CYP4F22: variants seen among roughly 807,000 people sequenced by gnomAD.
CYP4F22 encodes the protein ultra-long-chain fatty acid omega-hydroxylase.
CYP4F22 carries 37 observed loss-of-function variants against 60.4 expected under a neutral mutation model. The ratio of observed to expected loss-of-function variants is 0.61; its 90% CI spans 0.47 to 0.81. The LOEUF (loss-of-function observed/expected upper bound fraction) is 0.81. Ranked by LOEUF, CYP4F22 falls within the 30% of genes least tolerant of loss-of-function variation. The pLI, the probability that CYP4F22 is intolerant of heterozygous loss-of-function variation, is 0.00. For synonymous variants in CYP4F22, 258 were observed against 280.5 expected, an observed-to-expected ratio of 0.92 and a Z score of 0.80; for missense variants, 655 against 715.0, an observed-to-expected ratio of 0.92 and a Z score of 0.96.
chr19:15,544,379 G>T, intron 10 of CYP4F22, 100 bp downstream of exon 10: 2 of 1,407,822 alleles, frequency 1.4e-6, no homozygotes. Context: ...CCTCAGACAA[G>T]CCACTTTAGC....
At chr19:15,534,425 C>T (rs1192350489) in intron 4 of CYP4F22, among the ~76,000 whole-genome samples, 3 of 152,024 alleles carry the variant, frequency 2.0e-5, no homozygotes, top group African/African-American at 4.8e-5. Flanking sequence ...GGGGGTATTT[C>T]GTACACCGTC....
Position 15,551,721 on chromosome 19 carries a change from C to T in CYP4F22, c.*250C>T. ...CGCCCCCTGACTTCTCGCACCTGTCCTGTTTGAGGGACCAGGGTCGACCCT... is the reference window on the plus strand; with the variant it reads ...CGCCCCCTGACTTCTCGCACCTGTCTTGTTTGAGGGACCAGGGTCGACCCT... On this transcript the variant is annotated 3_prime_UTR_variant, in exon 14 of 14. Coordinates refer to ENST00000269703, the MANE Select transcript of CYP4F22 (RefSeq NM_173483.4). The T allele has an allele frequency of 1.7e-6, 1 of 591,132 alleles. No homozygotes were observed. Among genetic ancestry groups the T allele is most frequent in the Non-Finnish European group, 3.0e-6 (1 of 332,974 alleles). 36.6% of individuals were successfully genotyped at this position (591,132 alleles called of 1,614,324 possible).
chr19:15,522,858 A>C (rs1269715698), intron 1 of CYP4F22, among the ~76,000 whole-genome samples: 2 of 151,788 alleles, frequency 1.3e-5, no homozygotes, highest in East Asian at 2.0e-4. Context: ...TTATAGGCGC[A>C]CGCCACCACG....
intron 7 of CYP4F22, among the ~76,000 whole-genome samples, chr19:15,539,529 T>A (rs1049408992): frequency 6.6e-6 from 1 of 152,274 alleles, no homozygotes; most frequent in Non-Finnish European, 1.5e-5. Flanking sequence ...CATACATTTT[T>A]AATTCTTTTG....
In CYP4F22 at chr19:15,525,397, A is replaced by G. The variant is rs1971270582; in HGVS notation, c.61A>G (p.Ile21Val). 6.2e-7 allele frequency: 1 copy of G among 1,614,154 alleles called. No individual in the cohort carries two copies. The highest frequency in any genetic ancestry group is 8.5e-7 in the Non-Finnish European group (1 of 1,180,026). The change falls in exon 3 of 14, where the codon ATA becomes GTA. Residue 21 changes from isoleucine to valine, a missense_variant. Coordinates refer to ENST00000269703, the MANE Select transcript of CYP4F22 (RefSeq NM_173483.4). Reference protein sequence around the residue: ...LLGLEKTAFRIYAVSTLLLFL... With the variant: ...LLGLEKTAFRVYAVSTLLLFL... ...GGGGCTGGAGAAGACGGCGTTCCGC[A>G]TATACGCGGTGTCCACCCTTCTCCT...
At chr19:15,518,511 T>C (rs376988915) in intron 1 of CYP4F22, among the ~76,000 whole-genome samples, 32 of 143,898 alleles carry the variant, frequency 2.2e-4, no homozygotes, top group African/African-American at 7.9e-4. Context: ...TACCTGGGCG[T>C]GGTGGCAGGC....
chr19:15,521,968 A>T (rs1328664637), intron 1 of CYP4F22, among the ~76,000 whole-genome samples: 1 of 151,836 alleles, frequency 6.6e-6, no homozygotes, highest in Non-Finnish European at 1.5e-5. Context: ...AGCATGGTGA[A>T]ACTCTGTCTC....
chr19:15,509,904 C>CCTTCTTTCTTT (rs1323141197), intron 1 of CYP4F22, among the ~76,000 whole-genome samples: 31 of 86,778 alleles, frequency 3.6e-4, no homozygotes, highest in South Asian at 1.8e-3. Flanking sequence ...TTCCTTCCTT[C>CCTTCTTTCTTT]CTTTCTTTCT....
intron 10 of CYP4F22, among the ~76,000 whole-genome samples, chr19:15,545,788 G>A (rs984094270): frequency 2.0e-5 from 3 of 152,160 alleles, no homozygotes; most frequent in African/African-American, 4.8e-5. Context: ...TGGCCTCAGG[G>A]GGACATGCTC....
chr19:15,509,906 T>TTTCCTTCC (rs1341296855), intron 1 of CYP4F22, among the ~76,000 whole-genome samples: 2 of 97,272 alleles, frequency 2.1e-5, no homozygotes, highest in African/African-American at 3.6e-5. Context: ...CCTTCCTTCC[T>TTTCCTTCC]TTCTTTCTTT....
chr19:15,525,316 C>T lies in CYP4F22; in HGVS notation c.-1-20C>T, dbSNP rs760550581. The T allele has an allele frequency of 3.1e-6, 5 of 1,610,878 alleles. No homozygotes were observed. Among genetic ancestry groups the T allele is most frequent in the Non-Finnish European group, 3.4e-6 (4 of 1,179,248 alleles). On this transcript the variant is annotated intron_variant, in intron 2 of 13. Coordinates refer to ENST00000269703, the MANE Select transcript of CYP4F22 (RefSeq NM_173483.4). ...TCGTCTTGTGCATGGCACCGACCCC[C>T]TGACCCTGTGTGTCCCCAGGATGCT... is the stretch of plus-strand genomic sequence containing the variant.
intron 10 of CYP4F22, among the ~76,000 whole-genome samples, chr19:15,544,709 C>A (rs570006261): frequency 6.6e-6 from 1 of 152,092 alleles, no homozygotes; most frequent in Non-Finnish European, 1.5e-5. Context: ...CAGAGGCTAC[C>A]CTGGGTCGTA....
At chr19:15,549,317 G>A (rs1160673997) in intron 12 of CYP4F22, 115 bp downstream of exon 12, 16 of 990,604 alleles carry the variant, frequency 1.6e-5, no homozygotes, top group Admixed American at 3.7e-5. Flanking sequence ...TCCCCACTCC[G>A]CATTTAGCCA....
chr19:15,549,086 T>C, intron 11 of CYP4F22, 52 bp from the exon 12 acceptor site: 1 of 1,605,438 alleles, frequency 6.2e-7, no homozygotes, highest in Admixed American at 1.7e-5. Flanking sequence ...GGGATGTTTC[T>C]GGAGGAGGCC....
Position 15,549,067 on chromosome 19 carries a change from C to G in CYP4F22, c.1271-71C>G, listed in dbSNP as rs1971565145. On this transcript the variant is annotated intron_variant, in intron 11 of 13. Transcript: ENST00000269703. ...GGGAACATCATGGCTCTAGGGAGAC[C>G]CAAGTTGGGGGATGTTTCTGGAGGA... 33 of 1,568,552 alleles carry G rather than the reference C, an allele frequency of 2.1e-5. 1 individual carries two copies. In the South Asian group the frequency reaches 3.7e-4, roughly 17 times the overall value.
At chr19:15,533,874 C>T (rs900479014) in intron 4 of CYP4F22, among the ~76,000 whole-genome samples, 2 of 151,802 alleles carry the variant, frequency 1.3e-5, no homozygotes, top group African/African-American at 4.8e-5. Context: ...TACCCATTCA[C>T]CTTTTGGATG....
At chr19:15,512,301 T>C (rs1005565784) in intron 1 of CYP4F22, among the ~76,000 whole-genome samples, 2 of 152,116 alleles carry the variant, frequency 1.3e-5, no homozygotes, top group African/African-American at 2.4e-5. Flanking sequence ...CCCAGGCCTG[T>C]TGAAGTCAAA....
chr19:15,540,547 C>A lies in CYP4F22; in HGVS notation c.769C>A (p.Arg257Ser). 6.2e-7 allele frequency: 1 copy of A among 1,614,230 alleles called. No individual in the cohort carries two copies. Among genetic ancestry groups the A allele is most frequent in the Non-Finnish European group, 8.5e-7 (1 of 1,180,046 alleles). ...CCACTACCTCGACTTCATTTACTACCGCTCGGCGGATGGGCGGAGGTTCCG... is the reference window on the plus strand; with the variant it reads ...CCACTACCTCGACTTCATTTACTACAGCTCGGCGGATGGGCGGAGGTTCCG... ...LHHYLDFIYY[R>S]SADGRRFRQA... is the part of the protein sequence containing the mutation. The change falls in exon 8 of 14, where the codon CGC (arginine) becomes AGC (serine). Residue 257 changes from arginine (R) to serine (S), a missense_variant. Arg to Ser is a moderately radical substitution (Grantham distance 110, BLOSUM62 -1). Transcript: ENST00000269703.
chr19:15,541,877 A>AG (rs1568361971), intron 8 of CYP4F22, among the ~76,000 whole-genome samples: 1 of 148,284 alleles, frequency 6.7e-6, no homozygotes, highest in African/African-American at 2.4e-5. Flanking sequence ...AAAAAAAAAA[A>AG]AAAAAAGAAA....
Sources: gnomAD v4.1 joint callset for allele counts (sites outside exome capture counted in the v4.1 genomes callset) on GRCh38, gnomAD v4.1.1 for gene constraint, MANE v1.5 for transcripts, NCBI Gene and HGNC (gene_info 2026-07-23, HGNC 2026-07-21) for gene names.